The following ARIH2 variants were observed in gnomAD, a reference collection of about 807,000 sequenced individuals.
ARIH2 encodes the protein E3 ubiquitin-protein ligase ARIH2.
In ARIH2, 12 loss-of-function variants were observed where a neutral mutation model predicts 79.8. The ratio of observed to expected loss-of-function variants is 0.15; its 90% CI spans 0.10 to 0.24. ARIH2 has a LOEUF of 0.24. Among genes scored for constraint, ARIH2 ranks in the 10% least tolerant of loss-of-function variants. The pLI is 1.00. For synonymous variants in ARIH2, 224 were observed against 213.9 expected (o/e 1.05, Z -0.41); for missense variants, 301 against 618.3 (o/e 0.49, Z 5.44).
At chr3:48,973,652 A>G in intron 8 of ARIH2, 47 bp from the exon 9 acceptor site, 4 of 1,423,002 alleles carry the variant, frequency 2.8e-6, no homozygotes, top group Non-Finnish European at 4.0e-6. Flanking sequence ...TGAACATGGG[A>G]CCCTGACTTA....
chr3:48,983,064 C>T, intron 15 of ARIH2, 85 bp downstream of exon 15: 6 of 1,490,420 alleles, frequency 4.0e-6, no homozygotes, highest in Middle Eastern at 1.7e-4. Flanking sequence ...GGCTTGTGCA[C>T]TGGTAGCTGC....
intron 3 of ARIH2, among the ~76,000 whole-genome samples, chr3:48,932,157 A>G (rs1028830122): frequency 6.6e-6 from 1 of 152,228 alleles, no homozygotes; most frequent in Non-Finnish European, 1.5e-5. Context: ...CCAGAAAATC[A>G]GATCAAGGGC....
At chr3:48,940,988 T>A (rs1576259244) in intron 3 of ARIH2, among the ~76,000 whole-genome samples, 1 of 150,142 alleles carries the variant, frequency 6.7e-6, no homozygotes, top group South Asian at 2.1e-4. Flanking sequence ...GCTAACATGG[T>A]GAAACCCCGT....
intron 2 of ARIH2, among the ~76,000 whole-genome samples, chr3:48,923,483 G>A (rs1268808801): frequency 2.0e-5 from 3 of 150,186 alleles, no homozygotes; most frequent in Admixed American, 6.7e-5. Flanking sequence ...TTAGAAATGG[G>A]AGCATTTATA....
chr3:48,958,408 T>C (rs1306925673), intron 3 of ARIH2, among the ~76,000 whole-genome samples: 1 of 152,040 alleles, frequency 6.6e-6, no homozygotes, highest in Non-Finnish European at 1.5e-5. Context: ...CATGACTTCA[T>C]CTCTATTTAA....
At chr3:48,974,449 C>G (rs949077429) in intron 9 of ARIH2, among the ~76,000 whole-genome samples, 1 of 152,192 alleles carries the variant, frequency 6.6e-6, no homozygotes, top group East Asian at 1.9e-4. Flanking sequence ...AGCAGAAGTT[C>G]AGGCAAGCTG....
At chr3:48,970,560 G>C in intron 7 of ARIH2, 35 bp from the exon 8 acceptor site, 2 of 1,420,066 alleles carry the variant, frequency 1.4e-6, no homozygotes, top group Non-Finnish European at 2.0e-6. Flanking sequence ...GCAACTAAGA[G>C]ATGTCCTCAT....
At chr3:48,933,102 C>T (rs978360341) in intron 3 of ARIH2, among the ~76,000 whole-genome samples, 6 of 152,166 alleles carry the variant, frequency 3.9e-5, no homozygotes, top group African/African-American at 7.2e-5. Flanking sequence ...TTTGAGACAG[C>T]GCCTCACTCT....
intron 3 of ARIH2, among the ~76,000 whole-genome samples, chr3:48,931,739 G>A (rs1002109064): frequency 2.0e-5 from 3 of 151,228 alleles, no homozygotes; most frequent in Admixed American, 6.6e-5. Context: ...ATTTTCAGCC[G>A]GGTGCGGTGG....
At chr3:48,974,441 C>T (rs1402719096) in intron 9 of ARIH2, among the ~76,000 whole-genome samples, 3 of 152,222 alleles carry the variant, frequency 2.0e-5, no homozygotes, top group African/African-American at 7.2e-5. Context: ...CTTCTCGAAG[C>T]AGAAGTTCAG....
intron 3 of ARIH2, among the ~76,000 whole-genome samples, chr3:48,937,640 T>G (rs531141433): frequency 6.6e-6 from 1 of 152,192 alleles, no homozygotes; most frequent in Non-Finnish European, 1.5e-5. Flanking sequence ...GGCCAATAAA[T>G]GCACAGTTGA....
chr3:48,941,753 C>T (rs1362564946), intron 3 of ARIH2, among the ~76,000 whole-genome samples: 6 of 151,158 alleles, frequency 4.0e-5, no homozygotes, highest in South Asian at 2.1e-4. Context: ...CCACCACGCC[C>T]GGCTAATTTT....
chr3:48,945,759 A>G (rs2089034153), intron 3 of ARIH2, among the ~76,000 whole-genome samples: 1 of 152,228 alleles, frequency 6.6e-6, no homozygotes, highest in Non-Finnish European at 1.5e-5. Flanking sequence ...TGTTATTAAC[A>G]AACTTCAGGT....
intron 3 of ARIH2, among the ~76,000 whole-genome samples, chr3:48,940,810 T>TATATATAA (rs1393869766): frequency 1.6e-5 from 1 of 63,148 alleles, no homozygotes; most frequent in African/African-American, 5.6e-5. Context: ...AAAAAAAAAA[T>TATATATAA]ATATATATAT....
chr3:48,981,414 T>C (rs1050160407), intron 13 of ARIH2, among the ~76,000 whole-genome samples: 8 of 152,118 alleles, frequency 5.3e-5, no homozygotes, highest in Non-Finnish European at 1.0e-4. Context: ...GGAAAATCCA[T>C]TGAGGCAGCT....
At chr3:48,977,382 T>C (rs1244552470) in intron 11 of ARIH2, among the ~76,000 whole-genome samples, 1 of 151,218 alleles carries the variant, frequency 6.6e-6, no homozygotes, top group Non-Finnish European at 1.5e-5. Context: ...CTCGGCTCAC[T>C]GCAACCTCCA....
intron 3 of ARIH2, among the ~76,000 whole-genome samples, chr3:48,959,649 C>CAAAAAAAAAAAAAAAAA (rs71077758): frequency 1.0e-3 from 50 of 50,092 alleles, no homozygotes; most frequent in Admixed American, 1.3e-3. Context: ...TAAAAAATAC[C>CAAAAAAAAAAAAAAAAA]AAAAAAAAAA....
chr3:48,944,134 C>T (rs2088770730), intron 3 of ARIH2, among the ~76,000 whole-genome samples: 3 of 152,234 alleles, frequency 2.0e-5, no homozygotes, highest in South Asian at 4.1e-4. Flanking sequence ...CCATTAAATG[C>T]ACCCTAAAAG....
chr3:48,975,057 T>G, intron 11 of ARIH2, 78 bp downstream of exon 11: 1 of 1,612,148 alleles, frequency 6.2e-7, no homozygotes, highest in East Asian at 2.2e-5. Context: ...AAGTGAGTAC[T>G]TCTGCCATGA....
Sources: allele counts gnomAD v4.1 joint callset (sites outside exome capture counted in the v4.1 genomes callset), GRCh38; gene constraint gnomAD v4.1.1; transcripts MANE v1.5; gene names NCBI Gene and HGNC (gene_info 2026-07-23, HGNC 2026-07-21).